The following SLCO2A1 variants were observed in gnomAD, a reference collection of about 807,000 sequenced individuals.
The protein encoded by SLCO2A1 is matrin F/G 1.
A neutral mutation model predicts 71.7 loss-of-function variants in SLCO2A1; 60 were observed. The ratio of observed to expected loss-of-function variants is 0.84; its 90% CI spans 0.68 to 1.04. The LOEUF is 1.04. Among genes scored for constraint, SLCO2A1 ranks in the 50% least tolerant of loss-of-function variants. SLCO2A1 has a pLI of 0.00. For synonymous variants in SLCO2A1, 308 were observed against 326.7 expected, an observed-to-expected ratio of 0.94 and a Z score of 0.62; for missense variants, 745 against 813.4, an observed-to-expected ratio of 0.92 and a Z score of 1.02.
chr3:133,967,899 C>T lies in SLCO2A1; in HGVS notation c.397+5764G>A, dbSNP rs1934224060. On this transcript the variant is annotated intron_variant, in intron 3 of 13. Coordinates refer to ENST00000310926, the MANE Select transcript of SLCO2A1 (RefSeq NM_005630.3). Reference sequence around the variant, plus strand: ...CACCTCCACACCCCCACACACTTCCCCCGACATGTACCCCACCCCACCTCC... The same window carrying T: ...CACCTCCACACCCCCACACACTTCCTCCGACATGTACCCCACCCCACCTCC... Among the ~76,000 whole-genome samples the T allele has an allele frequency of 4.3e-5, 4 of 92,044 alleles. No individual in the cohort carries two copies. The South Asian group carries it at 2.1e-3, about 48-fold the overall frequency. The allele number at this position is 92,044 out of a possible 152,430, so 60.4% of individuals were successfully genotyped here.
chr3:134,004,744 C>T (rs1216298590), intron 1 of SLCO2A1, among the ~76,000 whole-genome samples: 3 of 152,144 alleles, frequency 2.0e-5, no homozygotes, highest in African/African-American at 7.2e-5. Flanking sequence ...GGGCCACAAG[C>T]CAAGGAATGT....
chr3:133,966,137 A>C lies in SLCO2A1; in HGVS notation c.397+7526T>G, dbSNP rs76071362. Among the ~76,000 whole-genome samples the C allele has an allele frequency of 9.8e-3, 1,498 of 152,316 alleles. 20 individuals carry two copies. Among genetic ancestry groups the C allele is most frequent in the African/African-American group, 0.034 (1,413 of 41,560 alleles). On this transcript the variant is annotated intron_variant, in intron 3 of 13. Transcript: ENST00000310926. ...AAACCACAACCCGTGGGCTGCGTTC[A>C]GTTCCCAGCCTGTATCTATCAATAA...
chr3:133,950,463 G>A (rs1394751728), intron 6 of SLCO2A1, among the ~76,000 whole-genome samples: 5 of 152,038 alleles, frequency 3.3e-5, no homozygotes, highest in East Asian at 1.9e-4. Flanking sequence ...CCAGCTCTCC[G>A]ACAACCATTG....
At chr3:133,954,469 G>T (rs1284002629) in intron 4 of SLCO2A1, among the ~76,000 whole-genome samples, 8 of 152,166 alleles carry the variant, frequency 5.3e-5, no homozygotes, top group Non-Finnish European at 8.8e-5. Flanking sequence ...TCCCAAAGTG[G>T]CTTGTTCGAA....
Position 133,933,955 on chromosome 3 carries a change from C to A in SLCO2A1, c.*758G>T, listed in dbSNP as rs1278205741. ...GTAGCTTCCTCAGTTTGAAACGTAC[C>A]CCAGAAAGACAGGGATAACATGTGA... On this transcript the variant is annotated 3_prime_UTR_variant, in exon 14 of 14. Coordinates refer to ENST00000310926, the MANE Select transcript of SLCO2A1 (RefSeq NM_005630.3). The A allele has an allele frequency of 2.0e-5, 3 of 152,128 alleles. No individual in the cohort carries two copies. In the East Asian group the frequency reaches 5.8e-4, roughly 29 times the overall value. 9.4% of individuals were successfully genotyped at this position (152,128 alleles called of 1,614,324 possible).
chr3:134,013,992 G>A (rs951505891), intron 1 of SLCO2A1, among the ~76,000 whole-genome samples: 1 of 152,066 alleles, frequency 6.6e-6, no homozygotes, highest in Non-Finnish European at 1.5e-5. Flanking sequence ...AGTAGCTCAA[G>A]GTAGCCCTCT....
At position 133,934,838 on chromosome 3, in the gene SLCO2A1, C is replaced by G; in HGVS notation, c.1815-8G>C. 1 of 1,603,258 alleles carries G rather than the reference C, an allele frequency of 6.2e-7. No homozygotes were observed. Among genetic ancestry groups the G allele is most frequent in the Non-Finnish European group, 8.5e-7 (1 of 1,176,000 alleles). On this transcript the variant is annotated splice_polypyrimidine_tract_variant and splice_region_variant and intron_variant, in intron 13 of 13. Coordinates refer to ENST00000310926, the MANE Select transcript of SLCO2A1 (RefSeq NM_005630.3). ...ATCTGCAGGCCCAGGTACCTGTGGG[C>G]AGGAGGAGGCAGGACTGGTGAGGGA...
chr3:134,007,254 C>T (rs534445665), intron 1 of SLCO2A1, among the ~76,000 whole-genome samples: 1 of 152,312 alleles, frequency 6.6e-6, no homozygotes, highest in African/African-American at 2.4e-5. Flanking sequence ...GACATTTTCT[C>T]CCATTCTGTA....
chr3:134,019,641 C>A (rs1559960544), intron 1 of SLCO2A1, among the ~76,000 whole-genome samples: 1 of 152,148 alleles, frequency 6.6e-6, no homozygotes, highest in African/African-American at 2.4e-5. Context: ...CCAGCTCTTG[C>A]AGGTAAGGAC....
intron 3 of SLCO2A1, 56 bp downstream of exon 3, chr3:133,973,607 T>C (rs1276129065): frequency 2.5e-6 from 4 of 1,587,592 alleles, no homozygotes; most frequent in Admixed American, 1.7e-5. Context: ...CCCACTAACT[T>C]TGTGAGATGT....
chr3:134,007,334 T>G (rs1255189850), intron 1 of SLCO2A1, among the ~76,000 whole-genome samples: 1 of 152,224 alleles, frequency 6.6e-6, no homozygotes, highest in East Asian at 1.9e-4. Context: ...GTAATACAAT[T>G]TATCTATTTT....
At chr3:133,941,486 C>T (rs967720513) in intron 11 of SLCO2A1, among the ~76,000 whole-genome samples, 10 of 151,890 alleles carry the variant, frequency 6.6e-5, no homozygotes, top group Admixed American at 2.0e-4. Flanking sequence ...ATCCTGGCAC[C>T]GGGAGTCCAA....
chr3:133,973,258 G>A (rs555816999), intron 3 of SLCO2A1, among the ~76,000 whole-genome samples: 14 of 152,334 alleles, frequency 9.2e-5, no homozygotes, highest in South Asian at 2.1e-4. Context: ...AAATGAGATC[G>A]TGCAAGTGCA....
At position 134,029,743 on chromosome 3, in the gene SLCO2A1, G is replaced by A. The variant is rs1334902035; in HGVS notation, c.60C>T (p.Ala20=). Residue 20 remains alanine, a synonymous_variant, in exon 1 of 14, where the codon GCC becomes GCT. Transcript: ENST00000310926. ...SQGSDTSTSR[A]GRCARSVFGN... is the part of the protein sequence containing the mutation. The stretch of plus-strand genomic sequence containing the variant: ...CGAAGACCGAGCGGGCACAGCGGCC[G>A]GCTCGGCTAGTAGAGGTGTCGCTGC... 12 of 1,587,892 alleles carry A rather than the reference G, an allele frequency of 7.6e-6. No individual in the cohort carries two copies. Among genetic ancestry groups the A allele is most frequent in the African/African-American group, 1.4e-5 (1 of 72,902 alleles).
chr3:134,028,426 T>A (rs1221393421), intron 1 of SLCO2A1, among the ~76,000 whole-genome samples: 1 of 152,244 alleles, frequency 6.6e-6, no homozygotes, highest in East Asian at 1.9e-4. Flanking sequence ...TGGAGATTAT[T>A]TTAAGCTATC....
At position 133,948,233 on chromosome 3, in the gene SLCO2A1, G is replaced by A. The variant is rs145440037; in HGVS notation, c.1105+303C>T. ...AAATTCAACCTTCCCTCTTTCCTGT[G>A]TTGTTCCTGATGATGTCAGGGCCTT... On this transcript the variant is annotated intron_variant, in intron 8 of 13. Transcript: ENST00000310926. Among the ~76,000 whole-genome samples, 959 of 152,292 alleles carry A rather than the reference G, an allele frequency of 6.3e-3. 12 individuals are homozygous for A. Among genetic ancestry groups the A allele is most frequent in the African/African-American group, 0.022 (900 of 41,552 alleles).
chr3:133,945,087 G>T lies in SLCO2A1; in HGVS notation c.1461+8C>A, dbSNP rs1933531125. 1 of 1,609,828 alleles carries T rather than the reference G, an allele frequency of 6.2e-7. No homozygotes were observed. The highest frequency in any genetic ancestry group is 8.5e-7 in the Non-Finnish European group (1 of 1,178,126). On this transcript the variant is annotated splice_region_variant and intron_variant, in intron 10 of 13. Transcript: ENST00000310926. ...CTCCTCTTGCCTCTGGACCCTGGCT[G>T]CCCTTACCAGTTGCTTGGAGGTTGC...
intron 1 of SLCO2A1, among the ~76,000 whole-genome samples, chr3:133,993,087 G>A (rs1197018570): frequency 6.6e-6 from 1 of 152,102 alleles, no homozygotes; most frequent in African/African-American, 2.4e-5. Flanking sequence ...GCTGCCGTGG[G>A]GCCCACAAGG....
At chr3:133,979,735 G>T in intron 1 of SLCO2A1, 117 bp from the exon 2 acceptor site, 2 of 1,123,356 alleles carry the variant, frequency 1.8e-6, no homozygotes, top group Non-Finnish European at 2.5e-6. Flanking sequence ...TTATCTAGGA[G>T]CAGTTACTTC....
Sources: allele counts gnomAD v4.1 joint callset (sites outside exome capture counted in the v4.1 genomes callset), GRCh38; gene constraint gnomAD v4.1.1; transcripts MANE v1.5; gene names NCBI Gene and HGNC (gene_info 2026-07-23, HGNC 2026-07-21).